The following NAV3 variants were observed in gnomAD, a reference collection of about 807,000 sequenced individuals.
NAV3 encodes neuron navigator 3.
A neutral mutation model predicts 244.7 loss-of-function variants in NAV3; 87 were observed. The ratio of observed to expected loss-of-function variants is 0.36; its 90% CI spans 0.30 to 0.42. The LOEUF (loss-of-function observed/expected upper bound fraction) is 0.42, where lower values mean the gene tolerates loss of function less well. Ranked by LOEUF, NAV3 falls within the 20% of genes least tolerant of loss-of-function variation. NAV3 has a pLI of 1.00. For missense variants in NAV3, 2,663 were observed against 2,893.3 expected (o/e 0.92, Z 1.83); for synonymous variants, 1,126 against 1,042.2 (o/e 1.08, Z -1.55).
At chr12:77,977,099 G>A (rs1027253917) in intron 5 of NAV3, among the ~76,000 whole-genome samples, 1 of 152,130 alleles carries the variant, frequency 6.6e-6, no homozygotes, top group African/African-American at 2.4e-5. Context: ...CAGAGTTTGT[G>A]TTTCTATCCA....
At chr12:77,642,484 G>C (rs1318016833) in intron 2 of NAV3, among the ~76,000 whole-genome samples, 2 of 152,044 alleles carry the variant, frequency 1.3e-5, no homozygotes, top group African/African-American at 4.8e-5. Context: ...AGCCAGGGAA[G>C]GTTAAAACTT....
chr12:77,959,671 A>AT, intron 3 of NAV3, among the ~76,000 whole-genome samples: 2 of 151,876 alleles, frequency 1.3e-5, no homozygotes, highest in Admixed American at 6.6e-5. Flanking sequence ...CCATCATGGA[A>AT]TTTTTTTGAA....
chr12:77,769,606 A>T (rs1414860822), intron 2 of NAV3, among the ~76,000 whole-genome samples: 8 of 152,246 alleles, frequency 5.3e-5, no homozygotes, highest in Admixed American at 5.2e-4. Context: ...ACAAGTTGTT[A>T]CAGACTTATA....
At chr12:78,094,753 A>G (rs1435261285) in intron 12 of NAV3, among the ~76,000 whole-genome samples, 4 of 152,050 alleles carry the variant, frequency 2.6e-5, no homozygotes, top group Non-Finnish European at 5.9e-5. Context: ...AATATTAAAA[A>G]TATTTCTTGG....
At chr12:77,977,031 A>G (rs1868578593) in intron 5 of NAV3, among the ~76,000 whole-genome samples, 1 of 152,166 alleles carries the variant, frequency 6.6e-6, no homozygotes, top group Non-Finnish European at 1.5e-5. Flanking sequence ...GGAAAGATCA[A>G]TTAAATTGCA....
intron 2 of NAV3, among the ~76,000 whole-genome samples, chr12:77,732,839 A>C (rs920165340): frequency 2.0e-5 from 3 of 152,084 alleles, no homozygotes; most frequent in Non-Finnish European, 4.4e-5. Flanking sequence ...TGCACATGGC[A>C]TTTGTTGAAA....
At chr12:78,209,779 A>G (rs1960710972) in intron 39 of NAV3, among the ~76,000 whole-genome samples, 1 of 152,276 alleles carries the variant, frequency 6.6e-6, no homozygotes, top group South Asian at 2.1e-4. Context: ...TCAGTGATGT[A>G]TCAATCATAT....
At chr12:77,879,035 A>G (rs1882245897) in intron 1 of NAV3, among the ~76,000 whole-genome samples, 1 of 152,038 alleles carries the variant, frequency 6.6e-6, no homozygotes, top group Admixed American at 6.6e-5. Context: ...CTTTATTTTT[A>G]CTGACCCTTG....
chr12:78,118,378 A>G (rs2138581461), intron 14 of NAV3, 81 bp downstream of exon 14: 1 of 1,485,408 alleles, frequency 6.7e-7, no homozygotes, highest in Non-Finnish European at 9.0e-7. Context: ...CTCTAACAAT[A>G]GCATTTCTAA....
chr12:78,097,283 T>C (rs1373229207), intron 12 of NAV3, among the ~76,000 whole-genome samples: 1 of 152,208 alleles, frequency 6.6e-6, no homozygotes, highest in African/African-American at 2.4e-5. Context: ...CTTTCTTGCA[T>C]TTTGTCTTCT....
chr12:77,766,419 A>G (rs928989278), intron 2 of NAV3, among the ~76,000 whole-genome samples: 10 of 152,216 alleles, frequency 6.6e-5, no homozygotes, highest in African/African-American at 2.2e-4. Context: ...AACTTGGCTC[A>G]CACTTTCTCT....
chr12:77,962,445 C>T (rs1217015539), intron 3 of NAV3, among the ~76,000 whole-genome samples: 1 of 152,082 alleles, frequency 6.6e-6, no homozygotes, highest in Admixed American at 6.6e-5. Context: ...CAGACTTCAT[C>T]CTTCTTGTGA....
chr12:77,635,026 C>T (rs567891086), intron 2 of NAV3, among the ~76,000 whole-genome samples: 6 of 151,952 alleles, frequency 3.9e-5, no homozygotes, highest in Admixed American at 1.3e-4. Flanking sequence ...GTCAGGAGTT[C>T]GAGACCAGCC....
chr12:77,609,470 G>A (rs925002264), intron 2 of NAV3, among the ~76,000 whole-genome samples: 2 of 152,134 alleles, frequency 1.3e-5, no homozygotes, highest in African/African-American at 2.4e-5. Flanking sequence ...ACTGTTAAAT[G>A]TTTGAAGAGC....
chr12:77,941,360 C>CT (rs879904630), intron 3 of NAV3, among the ~76,000 whole-genome samples: 12 of 151,994 alleles, frequency 7.9e-5, no homozygotes, highest in African/African-American at 1.7e-4. Flanking sequence ...AGATCCTTGA[C>CT]TTTTTTTTGT....
Position 78,188,725 on chromosome 12 carries a change from G to T in NAV3, c.6003G>T (p.Leu2001=). 6.2e-7 allele frequency: 1 copy of T among 1,612,394 alleles called. No homozygotes were observed. The highest frequency in any genetic ancestry group is 8.5e-7 in the Non-Finnish European group (1 of 1,178,940). Residue 2001 remains leucine, a synonymous_variant, in exon 33 of 40, where the codon CTG becomes CTT. Transcript: ENST00000397909. The part of the protein sequence containing the change: ...RSHNLEVPEL[L]PCGYLVGDNN... Reference sequence around the variant, plus strand: ...ATAACCTAGAAGTGCCTGAATTGCTGCCTTGTGGATACCTTGTTGGAGATA... The same window carrying T: ...ATAACCTAGAAGTGCCTGAATTGCTTCCTTGTGGATACCTTGTTGGAGATA...
intron 2 of NAV3, among the ~76,000 whole-genome samples, chr12:77,730,104 ACT>A (rs1203381564): frequency 2.6e-5 from 4 of 151,908 alleles, no homozygotes; most frequent in Non-Finnish European, 5.9e-5. Context: ...CACAAACCTC[ACT>A]CTCTACTTTT....
chr12:77,813,364 TTG>T (rs1241137634), intron 2 of NAV3, among the ~76,000 whole-genome samples: 2 of 152,192 alleles, frequency 1.3e-5, no homozygotes, highest in African/African-American at 2.4e-5. Flanking sequence ...TTCCAGGTTG[TTG>T]GGTAGGGATG....
intron 2 of NAV3, among the ~76,000 whole-genome samples, chr12:77,705,974 TTGTAGTTG>T: frequency 6.6e-6 from 1 of 151,500 alleles, no homozygotes. Context: ...TGTTCATCCA[TTGTAGTTG>T]TGTTTTTCCC....
Sources: gnomAD v4.1 joint callset for allele counts (sites outside exome capture counted in the v4.1 genomes callset) on GRCh38, gnomAD v4.1.1 for gene constraint, MANE v1.5 for transcripts, NCBI Gene and HGNC (gene_info 2026-07-23, HGNC 2026-07-21) for gene names.